Variants in REC114 observed in about 807,000 individuals in gnomAD.
REC114 encodes the protein meiotic recombination protein REC114.
REC114 carries 27 observed loss-of-function variants against 31.3 expected under a neutral mutation model. The observed-to-expected ratio is 0.86, with a 90% confidence interval of 0.64 to 1.19. The LOEUF (loss-of-function observed/expected upper bound fraction) is 1.19. Ranked by LOEUF, REC114 falls within the 50% of genes most tolerant of loss-of-function variation. The pLI is 0.00. For synonymous variants in REC114, 134 were observed against 127.7 expected (o/e 1.05, Z -0.33); for missense variants, 344 against 326.9 (o/e 1.05, Z -0.40).
intron 1 of REC114, among the ~76,000 whole-genome samples, chr15:73,460,111 T>C (rs1316807756): frequency 6.6e-6 from 1 of 152,206 alleles, no homozygotes; most frequent in East Asian, 1.9e-4. Flanking sequence ...TATAAATGTT[T>C]CCAACTTGGG....
At chr15:73,545,395 A>G (rs1894295437) in intron 3 of REC114, among the ~76,000 whole-genome samples, 1 of 152,218 alleles carries the variant, frequency 6.6e-6, no homozygotes, top group Non-Finnish European at 1.5e-5. Context: ...AAGACTTTCA[A>G]TCTTTAGCAG....
chr15:73,472,688 T>A (rs1008910104), intron 1 of REC114, among the ~76,000 whole-genome samples: 13 of 152,154 alleles, frequency 8.5e-5, no homozygotes, highest in Non-Finnish European at 1.6e-4. Flanking sequence ...AAGACCCAGA[T>A]CCCACTCTAA....
chr15:73,541,122 T>G (rs1321297887), intron 3 of REC114, among the ~76,000 whole-genome samples: 2 of 152,194 alleles, frequency 1.3e-5, no homozygotes, highest in Non-Finnish European at 2.9e-5. Context: ...TACTAATTTT[T>G]GAGGGACTCA....
intron 2 of REC114, among the ~76,000 whole-genome samples, chr15:73,494,483 C>T (rs1240291845): frequency 2.0e-5 from 3 of 147,978 alleles, no homozygotes; most frequent in Non-Finnish European, 4.5e-5. Flanking sequence ...CAGAACAAGA[C>T]CCTGTCTCAA....
intron 2 of REC114, among the ~76,000 whole-genome samples, chr15:73,528,053 G>T (rs757935120): frequency 6.6e-6 from 1 of 151,946 alleles, no homozygotes; most frequent in East Asian, 1.9e-4. Context: ...AGTTTCAAAT[G>T]ACACTTTTTT....
chr15:73,538,220 C>T (rs935906656), intron 2 of REC114, among the ~76,000 whole-genome samples: 1 of 152,014 alleles, frequency 6.6e-6, no homozygotes, highest in African/African-American at 2.4e-5. Context: ...AATCCAACAT[C>T]CAAATTGAGA....
intron 3 of REC114, among the ~76,000 whole-genome samples, chr15:73,548,970 T>C (rs1019806721): frequency 3.3e-5 from 5 of 152,236 alleles, no homozygotes; most frequent in African/African-American, 1.2e-4. Context: ...AAGTGGGAGC[T>C]AAATGATGAG....
intron 4 of REC114, among the ~76,000 whole-genome samples, chr15:73,555,782 A>T (rs1485257475): frequency 6.6e-6 from 1 of 152,180 alleles, no homozygotes; most frequent in Non-Finnish European, 1.5e-5. Flanking sequence ...GAATATCTAA[A>T]ATGAGATTTA....
In REC114 at chr15:73,464,838, A is replaced by G. The variant is rs148228815; in HGVS notation, c.160-8994A>G. Among the ~76,000 whole-genome samples the G allele has an allele frequency of 2.7e-3, 409 of 151,768 alleles. 2 individuals carry two copies. The highest frequency in any genetic ancestry group is 9.5e-3 in the African/African-American group (393 of 41,340). On this transcript the variant is annotated intron_variant, in intron 1 of 5. Transcript: ENST00000331090. Reference sequence around the variant, plus strand: ...CGTCCTACTAGCTCTTTTTTTGTGGACCCTGAGACCTCAATCCACCCTTCT... The same window carrying G: ...CGTCCTACTAGCTCTTTTTTTGTGGGCCCTGAGACCTCAATCCACCCTTCT...
chr15:73,514,996 G>C (rs1893838325), intron 2 of REC114, among the ~76,000 whole-genome samples: 1 of 149,762 alleles, frequency 6.7e-6, no homozygotes, highest in Non-Finnish European at 1.5e-5. Context: ...CTGGAGTGCA[G>C]TGATGCCATC....
chr15:73,493,957 A>G (rs1258892088), intron 2 of REC114, among the ~76,000 whole-genome samples: 1 of 151,864 alleles, frequency 6.6e-6, no homozygotes, highest in Non-Finnish European at 1.5e-5. Flanking sequence ...GGGCTTTCTT[A>G]TTTTTTCTAT....
intron 1 of REC114, among the ~76,000 whole-genome samples, chr15:73,466,758 A>C (rs1567854795): frequency 6.6e-6 from 1 of 152,262 alleles, no homozygotes; most frequent in Non-Finnish European, 1.5e-5. Context: ...TGCACTTATT[A>C]AATAAGTTAC....
At chr15:73,455,570 G>C (rs1365110735) in intron 1 of REC114, among the ~76,000 whole-genome samples, 1 of 151,926 alleles carries the variant, frequency 6.6e-6, no homozygotes, top group Non-Finnish European at 1.5e-5. Flanking sequence ...TAGTTGAGAG[G>C]GAAGATCAAT....
At chr15:73,513,936 T>A (rs868594644) in intron 2 of REC114, among the ~76,000 whole-genome samples, 22 of 152,058 alleles carry the variant, frequency 1.4e-4, no homozygotes, top group South Asian at 2.1e-4. Context: ...AAGCCTACAG[T>A]GGCAGGCAGG....
At chr15:73,527,012 A>AT (rs1461278542) in intron 2 of REC114, among the ~76,000 whole-genome samples, 2 of 152,000 alleles carry the variant, frequency 1.3e-5, no homozygotes, top group African/African-American at 4.8e-5. Flanking sequence ...GGGTCTCATT[A>AT]TGTTGCCCAG....
At chr15:73,525,170 C>T (rs1893988683) in intron 2 of REC114, among the ~76,000 whole-genome samples, 1 of 152,170 alleles carries the variant, frequency 6.6e-6, no homozygotes, top group South Asian at 2.1e-4. Flanking sequence ...GGATTACAGA[C>T]ATGAGCCAAG....
At chr15:73,535,898 C>G (rs1894149743) in intron 2 of REC114, among the ~76,000 whole-genome samples, 1 of 150,946 alleles carries the variant, frequency 6.6e-6, no homozygotes, top group South Asian at 2.1e-4. Context: ...TGATCTTTGA[C>G]AAACCTGAGA....
intron 2 of REC114, among the ~76,000 whole-genome samples, chr15:73,503,138 C>T (rs1337688384): frequency 6.6e-6 from 1 of 152,160 alleles, no homozygotes. Flanking sequence ...AGTCACTTAC[C>T]ATATGACCCA....
At chr15:73,524,778 G>T (rs558593699) in intron 2 of REC114, among the ~76,000 whole-genome samples, 2 of 152,008 alleles carry the variant, frequency 1.3e-5, no homozygotes, top group Non-Finnish European at 2.9e-5. Flanking sequence ...TTGTATTTTT[G>T]AATAGAAATG....
Sources: allele counts gnomAD v4.1 joint callset (sites outside exome capture counted in the v4.1 genomes callset), GRCh38; gene constraint gnomAD v4.1.1; transcripts MANE v1.5; gene names NCBI Gene and HGNC (gene_info 2026-07-23, HGNC 2026-07-21).